Variants in AUH observed in about 807,000 individuals in gnomAD.
AUH encodes methylglutaconyl-CoA hydratase, mitochondrial.
AUH carries 29 observed loss-of-function variants against 42.3 expected under a neutral mutation model. That is an observed-to-expected ratio of 0.69 (90% CI 0.51 to 0.93). AUH has a LOEUF of 0.93. Among genes scored for constraint, AUH ranks in the 40% least tolerant of loss-of-function variants. The pLI is 0.00. For missense variants in AUH, 452 were observed against 438.1 expected (o/e 1.03, Z -0.28); for synonymous variants, 174 against 166.4 (o/e 1.05, Z -0.35).
At chr9:91,262,435 C>T (rs1208308716) in intron 6 of AUH, among the ~76,000 whole-genome samples, 1 of 152,214 alleles carries the variant, frequency 6.6e-6, no homozygotes, top group East Asian at 1.9e-4. Flanking sequence ...CCCTCCAACA[C>T]AGCTAATCAG....
chr9:91,220,986 G>A lies in AUH; in HGVS notation c.662C>T (p.Thr221Ile), dbSNP rs73497143. The change falls in exon 7 of 10, where the codon ACA becomes ATA. Residue 221 changes from threonine (T) to isoleucine (I), a missense_variant. By Grantham distance (89) the Thr-to-Ile change is moderately conservative. Transcript: ENST00000375731. ...KLAIIPGGGGTQRLPRAIGMS... is the reference protein window; with the variant it reads ...KLAIIPGGGGIQRLPRAIGMS... ...TCCAATGGCGCGTGGCAATCGCTGT[G>A]TCCCCCCTGAGGGGTGAAAGAGAGA... 6.2e-7 allele frequency: 1 copy of A among 1,614,158 alleles called. No homozygotes were observed. The highest frequency in any genetic ancestry group is 1.3e-5 in the African/African-American group (1 of 75,056).
chr9:91,220,642 G>A (rs1465156097), intron 7 of AUH, among the ~76,000 whole-genome samples, 163 bp downstream of exon 7: 2 of 152,194 alleles, frequency 1.3e-5, no homozygotes, highest in African/African-American at 2.4e-5. Flanking sequence ...CAGGATCATA[G>A]TGTTTATCTT....
At chr9:91,220,685 A>G in intron 7 of AUH, 120 bp downstream of exon 7, 1 of 1,005,200 alleles carries the variant, frequency 9.9e-7, no homozygotes, top group Non-Finnish European at 1.5e-6. Context: ...GAGCCCACGC[A>G]TCCCTTTACT....
intron 4 of AUH, among the ~76,000 whole-genome samples, chr9:91,303,458 G>A (rs1827965665): frequency 6.6e-6 from 1 of 152,046 alleles, no homozygotes; most frequent in African/African-American, 2.4e-5. Context: ...AGTCTCCCGA[G>A]TAGCTGGGAC....
chr9:91,319,807 A>C (rs1829431873), intron 4 of AUH, among the ~76,000 whole-genome samples: 1 of 152,238 alleles, frequency 6.6e-6, no homozygotes, highest in Admixed American at 6.5e-5. Flanking sequence ...AGAAGACCCC[A>C]GAAGAATGCC....
chr9:91,270,962 A>G (rs1825075767), intron 6 of AUH, among the ~76,000 whole-genome samples: 1 of 152,234 alleles, frequency 6.6e-6, no homozygotes. Context: ...TTATAAAAAT[A>G]CTAATGCATG....
chr9:91,265,942 CTTTT>C (rs896228661), intron 6 of AUH, among the ~76,000 whole-genome samples: 1 of 151,426 alleles, frequency 6.6e-6, no homozygotes. Context: ...GTAATTATAC[CTTTT>C]TTTTTCTCTT....
intron 3 of AUH, among the ~76,000 whole-genome samples, chr9:91,334,243 T>C (rs1005604271): frequency 6.6e-6 from 1 of 152,242 alleles, no homozygotes; most frequent in Non-Finnish European, 1.5e-5. Flanking sequence ...TCTACTTGTC[T>C]GGGCCACAGG....
chr9:91,275,212 G>C (rs972297102), intron 6 of AUH, among the ~76,000 whole-genome samples: 1 of 152,176 alleles, frequency 6.6e-6, no homozygotes, highest in Non-Finnish European at 1.5e-5. Context: ...AGAGAGGCAA[G>C]TCACTTTCCC....
intron 3 of AUH, among the ~76,000 whole-genome samples, chr9:91,351,535 G>A (rs1831983954): frequency 1.3e-5 from 2 of 152,182 alleles, no homozygotes; most frequent in African/African-American, 4.8e-5. Flanking sequence ...ACATCATTGA[G>A]TATATATACA....
intron 4 of AUH, among the ~76,000 whole-genome samples, chr9:91,304,148 GA>G: frequency 6.6e-6 from 1 of 152,176 alleles, no homozygotes. Context: ...TTGTTGTGAA[GA>G]AAAACTAACA....
At chr9:91,240,874 T>C (rs1286112479) in intron 6 of AUH, among the ~76,000 whole-genome samples, 1 of 152,018 alleles carries the variant, frequency 6.6e-6, no homozygotes, top group African/African-American at 2.4e-5. Context: ...GCCCAATGTC[T>C]TAGTCAATGA....
At chr9:91,229,340 G>T (rs2131277304) in intron 6 of AUH, among the ~76,000 whole-genome samples, 1 of 145,982 alleles carries the variant, frequency 6.9e-6, no homozygotes, top group South Asian at 2.3e-4. Flanking sequence ...ATCTTTGTTG[G>T]TTTAAAGTCT....
intron 6 of AUH, among the ~76,000 whole-genome samples, chr9:91,263,866 T>A (rs1829828406): frequency 6.6e-6 from 1 of 152,194 alleles, no homozygotes; most frequent in Non-Finnish European, 1.5e-5. Context: ...CCTCTCCCAA[T>A]TTTTAGCTCT....
At chr9:91,224,480 T>C (rs1001234310) in intron 6 of AUH, among the ~76,000 whole-genome samples, 1 of 152,184 alleles carries the variant, frequency 6.6e-6, no homozygotes, top group Non-Finnish European at 1.5e-5. Context: ...CTCTTTTTTC[T>C]CTTGTTGCCT....
At chr9:91,220,209 C>T (rs897583499) in intron 7 of AUH, among the ~76,000 whole-genome samples, 4 of 152,320 alleles carry the variant, frequency 2.6e-5, no homozygotes, top group Non-Finnish European at 2.9e-5. Context: ...GTCAGCCATA[C>T]GCATCATGTT....
At chr9:91,218,840 A>G (rs748614183) in intron 7 of AUH, 1 of 985,324 alleles carries the variant, frequency 1.0e-6, no homozygotes, top group Non-Finnish European at 1.2e-6. Context: ...AAACATAAAA[A>G]TAAAGGTGAT....
In AUH at chr9:91,296,050, T is replaced by C. The variant is rs1190218692; in HGVS notation, c.626A>G (p.Glu209Gly). 1 of 1,614,072 alleles carries C rather than the reference T, an allele frequency of 6.2e-7. No homozygotes were observed. Among genetic ancestry groups the C allele is most frequent in the Non-Finnish European group, 8.5e-7 (1 of 1,180,006 alleles). ...ACCAGGAATAATCGCCAATTTTGTT[T>C]CAACCAGGCCCATTTTTGCAGAGGA... ...AASSAKMGLVETKLAIIPGGG... is the reference protein window; with the variant it reads ...AASSAKMGLVGTKLAIIPGGG... Residue 209 changes from glutamate to glycine, a missense_variant, in exon 6 of 10, where the codon GAA becomes GGA. Coordinates refer to ENST00000375731, the MANE Select transcript of AUH (RefSeq NM_001698.3).
chr9:91,352,821 T>C (rs757743083), intron 3 of AUH, among the ~76,000 whole-genome samples: 3 of 152,162 alleles, frequency 2.0e-5, no homozygotes, highest in Non-Finnish European at 4.4e-5. Context: ...AGCAAATAAA[T>C]GCTGAGTCCC....
Sources: allele counts gnomAD v4.1 joint callset (sites outside exome capture counted in the v4.1 genomes callset), GRCh38; gene constraint gnomAD v4.1.1; transcripts MANE v1.5; gene names NCBI Gene and HGNC (gene_info 2026-07-23, HGNC 2026-07-21).